The following ZNF10 variants were observed in gnomAD, a reference collection of about 807,000 sequenced individuals.
The protein encoded by ZNF10 is zinc finger protein 10, also known as zinc finger protein 10 (KOX 1).
A neutral mutation model predicts 12.2 loss-of-function variants in ZNF10; 8 were observed. That is an observed-to-expected ratio of 0.66 (90% CI 0.39 to 1.18). The LOEUF is 1.18. Ranked by LOEUF, ZNF10 falls within the 50% of genes most tolerant of loss-of-function variation. ZNF10 has a pLI of 0.01. For missense variants in ZNF10, 603 were observed against 678.9 expected (o/e 0.89, Z 1.24); for synonymous variants, 229 against 228.2 (o/e 1.00, Z -0.03).
rs1480898085 is a variant in ZNF10, at chr12:133,159,192, G to A, written c.*2224G>A. 3 of 152,218 alleles carry A rather than the reference G, an allele frequency of 2.0e-5. No individual in the cohort carries two copies. Among genetic ancestry groups the A allele is most frequent in the Admixed American group, 2.0e-4 (3 of 15,290 alleles). 9.4% of individuals were successfully genotyped at this position (152,218 alleles called of 1,614,324 possible). On this transcript the variant is annotated 3_prime_UTR_variant, in exon 5 of 5. Transcript: ENST00000248211. ...AATATTACTATTGTTAACACCTTAAGGGTCTAACTTGTAATGAAGACAGAA... is the reference window on the plus strand; with the variant it reads ...AATATTACTATTGTTAACACCTTAAAGGTCTAACTTGTAATGAAGACAGAA...
chr12:133,152,242 C>T (rs59024647), intron 4 of ZNF10, among the ~76,000 whole-genome samples: 2 of 152,192 alleles, frequency 1.3e-5, no homozygotes, highest in Admixed American at 1.3e-4. Flanking sequence ...CTTCCCACAA[C>T]TCAGTTCTCT....
Position 133,144,504 on chromosome 12 carries a change from G to A in ZNF10, c.12G>A (p.Lys4=), listed in dbSNP as rs1255893593. The A allele has an allele frequency of 1.2e-6, 2 of 1,614,034 alleles. No homozygotes were observed. Among genetic ancestry groups the A allele is most frequent in the Admixed American group, 1.7e-5 (1 of 60,010 alleles). The change falls in exon 2 of 5, where the codon AAG becomes AAA. Residue 4 remains lysine, a synonymous_variant. Transcript: ENST00000248211. ...AGAACAAGGAGGGCATGGATGCTAA[G>A]TCACTAACTGCCTGGTCCCGGGTAA... The part of the protein sequence containing the change: MDA[K]SLTAWSRTLV...
At chr12:133,143,367 A>C (rs1955957421) in intron 1 of ZNF10, among the ~76,000 whole-genome samples, 1 of 152,212 alleles carries the variant, frequency 6.6e-6, no homozygotes, top group African/African-American at 2.4e-5. Flanking sequence ...GCAATTTAAA[A>C]AATTATATAA....
intron 2 of ZNF10, among the ~76,000 whole-genome samples, chr12:133,147,827 C>T (rs891819654): frequency 6.7e-6 from 1 of 150,322 alleles, no homozygotes; most frequent in African/African-American, 2.4e-5. Flanking sequence ...GGGGTTTCAC[C>T]GTGTTGCCCA....
At chr12:133,147,227 A>T (rs752135906) in intron 2 of ZNF10, among the ~76,000 whole-genome samples, 1 of 152,212 alleles carries the variant, frequency 6.6e-6, no homozygotes, top group Non-Finnish European at 1.5e-5. Flanking sequence ...ATACATTTGC[A>T]TACAGGTTTT....
At position 133,157,176 on chromosome 12, in the gene ZNF10, T is replaced by G; in HGVS notation, c.*208T>G. The G allele has an allele frequency of 2.4e-6, 1 of 412,152 alleles. No homozygotes were observed. 25.5% of individuals were successfully genotyped at this position (412,152 alleles called of 1,614,324 possible). On this transcript the variant is annotated 3_prime_UTR_variant, in exon 5 of 5. Coordinates refer to ENST00000248211, the MANE Select transcript of ZNF10 (RefSeq NM_015394.5). ...CATCAGATTTTCTTCTTTTCATGAA[T>G]TCCTACAGAAGTAATTGGCCTGAGA...
intron 1 of ZNF10, among the ~76,000 whole-genome samples, chr12:133,136,442 G>A (rs945958053): frequency 3.9e-5 from 6 of 152,042 alleles, no homozygotes; most frequent in Non-Finnish European, 8.8e-5. Context: ...ACTCTATTTT[G>A]ATCTACCCAT....
rs1165290587 is a variant in ZNF10, at chr12:133,156,329, C to T, written c.1083C>T (p.Ser361=). Reference sequence around the variant, plus strand: ...AGTGTGGGAAATCTTTTGTTCATAGCTCTAGGCTTATTAGACACCAGAGGA... The same window carrying T: ...AGTGTGGGAAATCTTTTGTTCATAGTTCTAGGCTTATTAGACACCAGAGGA... ...CNQCGKSFVH[S]SRLIRHQRTH... is the part of the protein sequence containing the mutation. The change falls in exon 5 of 5, where the codon AGC becomes AGT. Residue 361 remains serine (S), a synonymous_variant. Coordinates refer to ENST00000248211, the MANE Select transcript of ZNF10 (RefSeq NM_015394.5). 6.2e-7 allele frequency: 1 copy of T among 1,614,106 alleles called. No homozygotes were observed. The highest frequency in any genetic ancestry group is 8.5e-7 in the Non-Finnish European group (1 of 1,180,010).
intron 4 of ZNF10, among the ~76,000 whole-genome samples, chr12:133,154,816 C>A (rs1468440676): frequency 6.6e-6 from 1 of 152,176 alleles, no homozygotes; most frequent in Non-Finnish European, 1.5e-5. Context: ...CTGGCTCACG[C>A]CTATAATCCC....
chr12:133,144,324 T>C (rs986383903), intron 1 of ZNF10, 110 bp from the exon 2 acceptor site: 2 of 591,946 alleles, frequency 3.4e-6, no homozygotes, highest in Non-Finnish European at 6.0e-6. Flanking sequence ...TGTTCCTCTG[T>C]ATAGTGGGTG....
Position 133,151,149 on chromosome 12 carries a change from C to G in ZNF10, c.155C>G (p.Ser52Cys). ...CTGGAGAACTATAAGAACCTGGTTT[C>G]CTTGGGTAAGACTAGCTCTGTTTTT... ...VMLENYKNLVSLGYQLTKPDV... is the reference protein window; with the variant it reads ...VMLENYKNLVCLGYQLTKPDV... The change falls in exon 3 of 5, where the codon TCC becomes TGC. Residue 52 changes from serine to cysteine, a missense_variant. Coordinates refer to ENST00000248211, the MANE Select transcript of ZNF10 (RefSeq NM_015394.5). 6.2e-7 allele frequency: 1 copy of G among 1,612,282 alleles called. No individual in the cohort carries two copies. Among genetic ancestry groups the G allele is most frequent in the Non-Finnish European group, 8.5e-7 (1 of 1,178,800 alleles).
chr12:133,135,237 G>C (rs1004811746), intron 1 of ZNF10, among the ~76,000 whole-genome samples: 24 of 152,178 alleles, frequency 1.6e-4, no homozygotes, highest in African/African-American at 5.8e-4. Context: ...AAGATTATTG[G>C]ATCTCAGAGC....
intron 2 of ZNF10, among the ~76,000 whole-genome samples, chr12:133,145,206 A>G (rs1366658010): frequency 6.6e-6 from 1 of 152,176 alleles, no homozygotes; most frequent in Non-Finnish European, 1.5e-5. Context: ...AATTATATTC[A>G]TATGAGGTAA....
chr12:133,131,716 G>A (rs1039081075), intron 1 of ZNF10, among the ~76,000 whole-genome samples: 2 of 152,108 alleles, frequency 1.3e-5, no homozygotes, highest in Non-Finnish European at 2.9e-5. Context: ...AGTTGCACAC[G>A]CTCCTGCCTC....
chr12:133,159,241 A>C lies in ZNF10; in HGVS notation c.*2273A>C, dbSNP rs1222472611. ...AAATATGTATGAGGATGATCACTGAAATATTTATGACAGTGCATAATTTGC... is the reference window on the plus strand; with the variant it reads ...AAATATGTATGAGGATGATCACTGACATATTTATGACAGTGCATAATTTGC... On this transcript the variant is annotated 3_prime_UTR_variant, in exon 5 of 5. Coordinates refer to ENST00000248211, the MANE Select transcript of ZNF10 (RefSeq NM_015394.5). The C allele has an allele frequency of 6.6e-6, 1 of 152,248 alleles. No individual in the cohort carries two copies. The highest frequency in any genetic ancestry group is 1.5e-5 in the Non-Finnish European group (1 of 68,052). The allele number at this position is 152,248 out of a possible 1,614,324, so 9.4% of individuals were successfully genotyped here.
intron 1 of ZNF10, among the ~76,000 whole-genome samples, chr12:133,142,817 C>T (rs2135460141): frequency 1.3e-5 from 2 of 152,218 alleles, no homozygotes; most frequent in Middle Eastern, 6.8e-3. Flanking sequence ...AACATAAAAC[C>T]ATATGACCCA....
chr12:133,159,276 A>G lies in ZNF10; in HGVS notation c.*2308A>G, dbSNP rs1470386851. The G allele has an allele frequency of 6.6e-6, 1 of 152,258 alleles. No individual in the cohort carries two copies. Among genetic ancestry groups the G allele is most frequent in the Non-Finnish European group, 1.5e-5 (1 of 68,048 alleles). 9.4% of individuals were successfully genotyped at this position (152,258 alleles called of 1,614,324 possible). On this transcript the variant is annotated 3_prime_UTR_variant, in exon 5 of 5. Transcript: ENST00000248211. ...ACAGTGCATAATTTGCAAAATAAAA[A>G]ATGTACACTAGCATAATATTTGTGG... is the stretch of plus-strand genomic sequence containing the variant.
At chr12:133,141,098 C>T (rs888165669) in intron 1 of ZNF10, among the ~76,000 whole-genome samples, 2 of 152,082 alleles carry the variant, frequency 1.3e-5, no homozygotes, top group African/African-American at 4.8e-5. Context: ...TTGGATAGGT[C>T]GTGTCTACCC....
chr12:133,133,826 G>C (rs1955894575), intron 1 of ZNF10, among the ~76,000 whole-genome samples: 1 of 152,154 alleles, frequency 6.6e-6, no homozygotes, highest in South Asian at 2.1e-4. Context: ...GCCCATCTCT[G>C]CCCTTGTGGC....
Sources: allele counts gnomAD v4.1 joint callset (sites outside exome capture counted in the v4.1 genomes callset), GRCh38; gene constraint gnomAD v4.1.1; transcripts MANE v1.5; gene names NCBI Gene and HGNC (gene_info 2026-07-23, HGNC 2026-07-21).